CCDC42: variants seen among roughly 807,000 people sequenced by gnomAD.
The protein encoded by CCDC42 is coiled-coil domain-containing protein 42.
Under a neutral mutation model 40.8 loss-of-function variants are expected in CCDC42, and 38 were observed. The observed-to-expected ratio is 0.93, with a 90% CI of 0.72 to 1.22. CCDC42 has a LOEUF of 1.22. Among genes scored for constraint, CCDC42 ranks in the 50% most tolerant of loss-of-function variants. The pLI, the probability that CCDC42 is intolerant of heterozygous loss-of-function variation, is 0.00. For missense variants in CCDC42, 379 were observed against 416.5 expected (o/e 0.91, Z 0.78); for synonymous variants, 135 against 157.5 (o/e 0.86, Z 1.07).
chr17:8,741,617 G>C lies in CCDC42; in HGVS notation c.349C>G (p.Leu117Val). Residue 117 changes from leucine (L) to valine (V), a missense_variant, in exon 4 of 7, where the codon CTC becomes GTC. Physicochemically the swap from Leu to Val is conservative, Grantham distance 32 (BLOSUM62 1). Transcript: ENST00000293845. ...AMKKANKERE[L>V]KCQHMQELTK... ...AGCTCCTGCATGTGCTGGCACTTGA[G>C]TTCTCGCTCCTTGTTGGCTTTCTTC... 6.2e-7 allele frequency: 1 copy of C among 1,614,136 alleles called. No homozygotes were observed. Among genetic ancestry groups the C allele is most frequent in the Non-Finnish European group, 8.5e-7 (1 of 1,180,044 alleles).
In CCDC42 at chr17:8,734,542, GTTTT is replaced by G. The variant is rs1444188607; in HGVS notation, c.873+550_873+553del. Among the ~76,000 whole-genome samples the G allele has an allele frequency of 2.8e-5, 4 of 141,106 alleles. No individual in the cohort carries two copies. The South Asian group carries it at 8.9e-4, about 31-fold the overall frequency. The allele number at this position is 141,106 out of a possible 152,430, so 92.6% of individuals were successfully genotyped here. On this transcript the variant is annotated intron_variant, in intron 6 of 6. Coordinates refer to ENST00000293845, the MANE Select transcript of CCDC42 (RefSeq NM_144681.3). ...GTGCCTCTAAGTCAATTGCTGTTTT[GTTTT>G]TTGTTTGTTTGTTTTTTTGAGGCTG...
At chr17:8,741,317 G>A (rs996045190) in intron 4 of CCDC42, among the ~76,000 whole-genome samples, 157 bp downstream of exon 4, 7 of 152,120 alleles carry the variant, frequency 4.6e-5, no homozygotes, top group African/African-American at 7.2e-5. Context: ...GCATCTCCTC[G>A]GAGCAGGGTG....
At chr17:8,741,425 TG>T in intron 4 of CCDC42, 48 bp downstream of exon 4, 1 of 1,558,408 alleles carries the variant, frequency 6.4e-7, no homozygotes, top group Non-Finnish European at 8.8e-7. Context: ...GGAAGAGAGG[TG>T]GGGCTGAGGA....
chr17:8,735,713 C>T lies in CCDC42; in HGVS notation c.493-102G>A. 2.1e-6 allele frequency: 2 copies of T among 968,388 alleles called. No individual in the cohort carries two copies. Among genetic ancestry groups the T allele is most frequent in the Non-Finnish European group, 3.0e-6 (2 of 659,096 alleles). 60.0% of individuals were successfully genotyped at this position (968,388 alleles called of 1,614,324 possible). ...GCCTGGATGCCTGGACACCTGGACA[C>T]CTGGGCAGGCAGGCCCTTGGCCAGG... On this transcript the variant is annotated intron_variant, in intron 4 of 6. Transcript: ENST00000293845. This position sits in a 1 kb window ranked among gnomAD's most constrained non-coding sequence, Gnocchi z 4.7.
intron 3 of CCDC42, among the ~76,000 whole-genome samples, chr17:8,742,240 C>T (rs1479088869): frequency 6.6e-6 from 1 of 152,160 alleles, no homozygotes; most frequent in African/African-American, 2.4e-5. Flanking sequence ...CTTCCATTTT[C>T]CCAGCTGTGG....
rs1341387099 is a variant in CCDC42, at chr17:8,744,797, T to C, written c.-188A>G. On this transcript the variant is annotated 5_prime_UTR_variant, in exon 1 of 7. Transcript: ENST00000293845. ...AGACAGGTTGGGCGGCTCAGGACGA[T>C]GTGCTGGGGCAGTTATGGGAGATGT... 2 of 606,628 alleles carry C rather than the reference T, an allele frequency of 3.3e-6. No individual in the cohort carries two copies. Among genetic ancestry groups the C allele is most frequent in the Non-Finnish European group, 5.9e-6 (2 of 338,370 alleles). The allele number at this position is 606,628 out of a possible 1,614,324, so 37.6% of individuals were successfully genotyped here.
chr17:8,731,328 A>G (rs2086578674), intron 6 of CCDC42, among the ~76,000 whole-genome samples: 2 of 152,184 alleles, frequency 1.3e-5, no homozygotes, highest in African/African-American at 2.4e-5. Flanking sequence ...TAGTTCAACC[A>G]TTGTGGAAGG....
Position 8,744,179 on chromosome 17 carries a change from A to G in CCDC42, c.89T>C (p.Leu30Pro). 6.2e-7 allele frequency: 1 copy of G among 1,612,348 alleles called. No homozygotes were observed. The highest frequency in any genetic ancestry group is 8.5e-7 in the Non-Finnish European group (1 of 1,179,058). The change falls in exon 2 of 7, where the codon CTC becomes CCC. Residue 30 changes from leucine (L) to proline (P), a missense_variant. Coordinates refer to ENST00000293845, the MANE Select transcript of CCDC42 (RefSeq NM_144681.3). ...CTCCGACGCCCCCTCAACATTGGGG[A>G]GTTTCCTGTCCAAGATGTGAACGCG... ...GERLLQMLQK[L>P]PNVEGASESP... is the part of the protein sequence containing the mutation.
At chr17:8,731,079 G>A (rs1235377121) in intron 6 of CCDC42, among the ~76,000 whole-genome samples, 1 of 152,118 alleles carries the variant, frequency 6.6e-6, no homozygotes, top group Non-Finnish European at 1.5e-5. Flanking sequence ...GGCCCCCGTC[G>A]CAGGTCTGGG....
At chr17:8,738,464 ATTTTTTTT>A (rs60710929) in intron 4 of CCDC42, among the ~76,000 whole-genome samples, 1 of 139,656 alleles carries the variant, frequency 7.2e-6, no homozygotes, top group Non-Finnish European at 1.5e-5. Flanking sequence ...ATGATTTGAG[ATTTTTTTT>A]TTTTTTTTTT....
chr17:8,736,550 C>T (rs1046866455), intron 4 of CCDC42, among the ~76,000 whole-genome samples: 20 of 152,320 alleles, frequency 1.3e-4, no homozygotes, highest in Middle Eastern at 3.4e-3. Context: ...GCCTTTCAGC[C>T]GCCCAGGGGA....
Position 8,735,667 on chromosome 17 carries a change from A to G in CCDC42, c.493-56T>C, listed in dbSNP as rs1426712498. On this transcript the variant is annotated intron_variant, in intron 4 of 6. Coordinates refer to ENST00000293845, the MANE Select transcript of CCDC42 (RefSeq NM_144681.3). This position sits in a 1 kb window ranked among gnomAD's most constrained non-coding sequence, Gnocchi z 4.7. ...CCAGCCCCTGGGGCCTGAGGGAGCC[A>G]CCCAGTCCTGCCAACCTCCAGCCTG... 4.7e-6 allele frequency: 7 copies of G among 1,474,940 alleles called. No homozygotes were observed. Among genetic ancestry groups the G allele is most frequent in the Admixed American group, 2.0e-5 (1 of 50,506 alleles). The allele number at this position is 1,474,940 out of a possible 1,614,324, so 91.4% of individuals were successfully genotyped here.
In CCDC42 at chr17:8,735,490, C is replaced by T. The variant is rs1274523464; in HGVS notation, c.614G>A (p.Arg205His). 3 of 1,614,090 alleles carry T rather than the reference C, an allele frequency of 1.9e-6. No individual in the cohort carries two copies. The highest frequency in any genetic ancestry group is 1.7e-5 in the Admixed American group (1 of 60,034). The change falls in exon 5 of 7, where the codon CGC becomes CAC. Residue 205 changes from arginine to histidine, a missense_variant. Coordinates refer to ENST00000293845, the MANE Select transcript of CCDC42 (RefSeq NM_144681.3). The surrounding 1 kb of genome is among the most constrained non-coding windows in gnomAD (Gnocchi z 4.7). ...CTCATCATCCTTTTCCTCCATGTAG[C>T]GCGCCAGCCGGGCCTTGGCGCGCTC... The part of the protein sequence containing the change: ...KIERAKARLA[R>H]YMEEKDDEIL...
intron 1 of CCDC42, 101 bp from the exon 2 acceptor site, chr17:8,744,285 G>A: frequency 2.2e-6 from 2 of 895,460 alleles, no homozygotes; most frequent in South Asian, 3.1e-5. Flanking sequence ...GAAGCAGAGG[G>A]GCCTCTCTCC....
intron 4 of CCDC42, among the ~76,000 whole-genome samples, chr17:8,737,111 G>T (rs1445713705): frequency 6.6e-6 from 1 of 152,194 alleles, no homozygotes; most frequent in Non-Finnish European, 1.5e-5. Flanking sequence ...AAGCAAGCAA[G>T]CGAGCTCAGT....
In CCDC42 at chr17:8,743,617, C is replaced by T. The variant is rs749317047; in HGVS notation, c.294+9G>A. 3.2e-6 allele frequency: 5 copies of T among 1,556,768 alleles called. No individual in the cohort carries two copies. The highest frequency in any genetic ancestry group is 4.4e-6 in the Non-Finnish European group (5 of 1,127,808). Reference sequence around the variant, plus strand: ...CCTGGCCACTGCGGCCGCCCACACCCCTTCAAACCTGGATGAACTGCTCAG... The same window carrying T: ...CCTGGCCACTGCGGCCGCCCACACCTCTTCAAACCTGGATGAACTGCTCAG... On this transcript the variant is annotated intron_variant, in intron 3 of 6. Coordinates refer to ENST00000293845, the MANE Select transcript of CCDC42 (RefSeq NM_144681.3).
At chr17:8,740,577 G>A (rs2086637002) in intron 4 of CCDC42, among the ~76,000 whole-genome samples, 2 of 151,254 alleles carry the variant, frequency 1.3e-5, no homozygotes, top group South Asian at 2.1e-4. Flanking sequence ...AGGCGCCCCC[G>A]CCGGAGGAGC....
At position 8,730,225 on chromosome 17, in the gene CCDC42, C is replaced by A; in HGVS notation, c.874-18G>T. 3.1e-6 allele frequency: 5 copies of A among 1,607,128 alleles called. No individual in the cohort carries two copies. The highest frequency in any genetic ancestry group is 4.3e-6 in the Non-Finnish European group (5 of 1,174,960). ...TGCTGGATCTAGAAAGGCAAGGAGC[C>A]CAGCGTTAACTCCGCCCCCCAGAGG... is the stretch of plus-strand genomic sequence containing the variant. On this transcript the variant is annotated intron_variant, in intron 6 of 6. Transcript: ENST00000293845.
At chr17:8,733,966 G>A (rs1385421459) in intron 6 of CCDC42, among the ~76,000 whole-genome samples, 2 of 151,378 alleles carry the variant, frequency 1.3e-5, no homozygotes, top group Non-Finnish European at 2.9e-5. Context: ...CCTTTTTTTC[G>A]CTCTTATTCT....
Sources: gnomAD v4.1 joint callset for allele counts (sites outside exome capture counted in the v4.1 genomes callset) on GRCh38, gnomAD v4.1.1 for gene constraint, Gnocchi (gnomAD v3.1) non-coding constraint, MANE v1.5 for transcripts, NCBI Gene and HGNC (gene_info 2026-07-23, HGNC 2026-07-21) for gene names.